The following ATRX variants were observed in gnomAD, a reference collection of about 807,000 sequenced individuals.
ATRX encodes chromatin remodeler ATRX.
A neutral mutation model predicts 172.6 loss-of-function variants in ATRX; 12 were observed. The observed-to-expected ratio is 0.07, with a 90% CI of 0.04 to 0.11. ATRX has a LOEUF of 0.11. Among genes scored for constraint, ATRX ranks in the 10% least tolerant of loss-of-function variants. ATRX has a pLI of 1.00. For missense variants in ATRX, 1,368 were observed against 1,767.4 expected (o/e 0.77, Z 4.05); for synonymous variants, 674 against 594.7 (o/e 1.13, Z -1.94).
chrX:77,640,975 G>A (rs1192460988), intron 15 of ATRX, among the ~76,000 whole-genome samples: 1 of 111,262 alleles, frequency 9.0e-6, no homozygotes, highest in Non-Finnish European at 1.9e-5. Context: ...GGAGGCATTC[G>A]ATTTCAGAGG....
At chrX:77,719,015 G>T (rs997196260) in intron 1 of ATRX, among the ~76,000 whole-genome samples, 1 of 110,557 alleles carries the variant, frequency 9.0e-6, no homozygotes, top group African/African-American at 3.3e-5. Context: ...GCCCAGGATG[G>T]TCTGAAACTC....
chrX:77,698,645 TAAAG>T lies in ATRX; in HGVS notation c.134-20_134-17del, dbSNP rs1411510372. The T allele has an allele frequency of 8.6e-7, 1 of 1,165,657 alleles. No homozygotes were observed. On this transcript the variant is annotated splice_polypyrimidine_tract_variant and intron_variant, in intron 2 of 34. Transcript: ENST00000373344. ...CTGATTTTATCTAAAAAAGAAGAAA[TAAAG>T]AACATTATTTATCTCTTCGATGCAT... is the stretch of plus-strand genomic sequence containing the variant.
intron 34 of ATRX, among the ~76,000 whole-genome samples, chrX:77,516,523 C>G (rs1202533440): frequency 9.0e-6 from 1 of 111,693 alleles, no homozygotes; most frequent in African/African-American, 3.3e-5. Context: ...GGGGTCAATT[C>G]AGCAACAAGA....
intron 34 of ATRX, among the ~76,000 whole-genome samples, chrX:77,512,088 A>G (rs1444983100): frequency 8.9e-6 from 1 of 112,118 alleles, no homozygotes; most frequent in Non-Finnish European, 1.9e-5. Context: ...GAGAAAGGAA[A>G]CAAATAACAT....
At chrX:77,735,465 G>A (rs1377402671) in intron 1 of ATRX, among the ~76,000 whole-genome samples, 1 of 111,417 alleles carries the variant, frequency 9.0e-6, no homozygotes, top group Non-Finnish European at 1.9e-5. Flanking sequence ...AGTGACGGAC[G>A]CCTGTAGTCC....
intron 1 of ATRX, among the ~76,000 whole-genome samples, chrX:77,785,356 G>A (rs905299022): frequency 6.4e-5 from 7 of 109,940 alleles, no homozygotes; most frequent in African/African-American, 2.0e-4. Context: ...GTCCCCCCTC[G>A]CCTAGAAATA....
rs2148496803 is a variant in ATRX at position 77,664,669 on chromosome X, T to C, written c.3919A>G (p.Asn1307Asp). ...EEGKKRTGKQ[N>D]EENPGDEEAK... ...CCCTCATCTCCTGGGTTTTCTTCAT[T>C]TTGTTTTCCAGTTCTTTTTTTCCCT... The change falls in exon 11 of 35, where the codon AAT becomes GAT. Residue 1307 changes from asparagine to aspartate, a missense_variant. Transcript: ENST00000373344. 1 of 1,211,688 alleles carries C rather than the reference T, an allele frequency of 8.3e-7. No homozygotes were observed. The highest frequency in any genetic ancestry group is 1.8e-5 in the South Asian group (1 of 57,008).
intron 19 of ATRX, among the ~76,000 whole-genome samples, chrX:77,622,538 G>A (rs1323465210): frequency 9.0e-6 from 1 of 111,405 alleles, no homozygotes; most frequent in African/African-American, 3.3e-5. Context: ...CAGGAGGATG[G>A]CCATCAGAGC....
At chrX:77,784,613 A>G (rs2076671921) in intron 1 of ATRX, among the ~76,000 whole-genome samples, 1 of 112,035 alleles carries the variant, frequency 8.9e-6, no homozygotes, top group Admixed American at 9.6e-5. Context: ...CCCCACAGAT[A>G]AAGATTTGTT....
intron 30 of ATRX, among the ~76,000 whole-genome samples, chrX:77,549,817 G>A (rs1557054991): frequency 8.9e-6 from 1 of 111,781 alleles, no homozygotes; most frequent in Non-Finnish European, 1.9e-5. Flanking sequence ...AATCCAATGA[G>A]GGGATTTAAA....
chrX:77,679,372 T>C (rs1426689639), intron 9 of ATRX, among the ~76,000 whole-genome samples: 1 of 111,392 alleles, frequency 9.0e-6, no homozygotes. Context: ...TTTCTCTTGA[T>C]ACACACCTGA....
chrX:77,772,247 G>A (rs1317288499), intron 1 of ATRX, among the ~76,000 whole-genome samples: 3 of 105,656 alleles, frequency 2.8e-5, no homozygotes, highest in Non-Finnish European at 3.9e-5. Context: ...GGAGGCAGAG[G>A]TGCAGTGAGC....
At chrX:77,661,467 GA>G (rs202111882) in intron 12 of ATRX, among the ~76,000 whole-genome samples, 48,373 of 91,166 alleles carry the variant, frequency 0.53, 11,534 homozygotes, top group Non-Finnish European at 0.68. Context: ...TACAGTAATT[GA>G]AAAAAAAAAA....
At chrX:77,711,331 T>C (rs1390311996) in intron 2 of ATRX, among the ~76,000 whole-genome samples, 4 of 111,617 alleles carry the variant, frequency 3.6e-5, no homozygotes, top group African/African-American at 9.8e-5. Context: ...AATGTAATAC[T>C]GGAAAATACA....
intron 30 of ATRX, among the ~76,000 whole-genome samples, chrX:77,527,780 C>T (rs2063433444): frequency 8.9e-6 from 1 of 111,820 alleles, no homozygotes; most frequent in African/African-American, 3.3e-5. Flanking sequence ...GGGCTGAAGT[C>T]CGCCTGAGAC....
rs1441703294 is a variant in ATRX at position 77,784,986 on chromosome X, C to G, written c.20+996G>C. ...GTGGGATGAAAATTCAAATGTCAAACTGAAACGCCAGCCAGCCACCTGGGT... is the reference window on the plus strand; with the variant it reads ...GTGGGATGAAAATTCAAATGTCAAAGTGAAACGCCAGCCAGCCACCTGGGT... On this transcript the variant is annotated intron_variant, in intron 1 of 34. Coordinates refer to ENST00000373344, the MANE Select transcript of ATRX (RefSeq NM_000489.6). Among the ~76,000 whole-genome samples, 4 of 111,586 alleles carry G rather than the reference C, an allele frequency of 3.6e-5. No homozygotes were observed. In the Admixed American group the frequency reaches 3.9e-4, roughly 11 times the overall value.
chrX:77,541,831 G>T, intron 30 of ATRX, among the ~76,000 whole-genome samples: 1 of 111,414 alleles, frequency 9.0e-6, no homozygotes, highest in Non-Finnish European at 1.9e-5. Flanking sequence ...AATAATAAGA[G>T]CTATTTATGA....
At chrX:77,763,794 A>T (rs1203005787) in intron 1 of ATRX, among the ~76,000 whole-genome samples, 1 of 111,167 alleles carries the variant, frequency 9.0e-6, no homozygotes, top group Non-Finnish European at 1.9e-5. Context: ...CTTATTTCTG[A>T]ATATGCTTGC....
intron 22 of ATRX, among the ~76,000 whole-genome samples, chrX:77,604,824 A>G (rs190843154): frequency 1.8e-5 from 2 of 112,619 alleles, no homozygotes; most frequent in Non-Finnish European, 3.8e-5. Flanking sequence ...GGCCACAAAA[A>G]AGAACAAAAG....
Sources: allele counts gnomAD v4.1 joint callset (sites outside exome capture counted in the v4.1 genomes callset), GRCh38; gene constraint gnomAD v4.1.1; transcripts MANE v1.5; gene names NCBI Gene and HGNC (gene_info 2026-07-23, HGNC 2026-07-21).